The following FGG variants were observed in gnomAD, a reference collection of about 807,000 sequenced individuals.
FGG encodes the protein fibrinogen gamma chain.
In FGG, 20 loss-of-function variants were observed where a neutral mutation model predicts 51.7. That is an observed-to-expected ratio of 0.39 (90% CI 0.27 to 0.56). FGG has a LOEUF of 0.56. Among genes scored for constraint, FGG ranks in the 20% least tolerant of loss-of-function variants. The pLI is 0.64. For synonymous variants in FGG, 184 were observed against 184.7 expected (o/e 1.00, Z 0.03); for missense variants, 460 against 534.2 (o/e 0.86, Z 1.37).
chr4:154,611,176 A>G (rs1223144729), intron 4 of FGG: 1 of 152,132 alleles, frequency 6.6e-6, no homozygotes, highest in Non-Finnish European at 1.5e-5. Context: ...TTCAGAAAAA[A>G]AAATTGGGGA....
Position 154,604,604 on chromosome 4 carries a change from A to T in FGG, c.*230T>A. 8.0e-7 allele frequency: 1 copy of T among 1,247,818 alleles called. No homozygotes were observed. 77.3% of individuals were successfully genotyped at this position (1,247,818 alleles called of 1,614,324 possible). A position where few individuals can be genotyped will look rare whatever the true frequency, so the allele number is the denominator to read the frequency against. On this transcript the variant is annotated 3_prime_UTR_variant, in exon 9 of 9. Coordinates refer to ENST00000336098, the MANE Select transcript of FGG (RefSeq NM_021870.3). ...AAATAAAGTCAATCATTTTATTATT[A>T]TATATTTAGGAACAAAGTTGAAATG...
intron 5 of FGG, 109 bp from the exon 6 acceptor site, chr4:154,609,872 AT>A: frequency 6.4e-7 from 1 of 1,567,064 alleles, no homozygotes; most frequent in Non-Finnish European, 8.8e-7. Context: ...TCCAAGAATA[AT>A]TTTCTTACTT....
rs200444079 is a variant in FGG at position 154,604,964 on chromosome 4, T to G, written c.1232A>C (p.Lys411Thr). 6.2e-7 allele frequency: 1 copy of G among 1,614,080 alleles called. No homozygotes were observed. The highest frequency in any genetic ancestry group is 2.2e-5 in the East Asian group (1 of 44,874). ...RWYSMKKTTM[K>T]IIPFNRLTIG... ...TGTGAGTCTGTTGAATGGGATTATC[T>G]TCATAGTGGTTTTCTTCATGGAATA... Residue 411 changes from lysine (K) to threonine (T), a missense_variant, in exon 9 of 9, where the codon AAG (lysine) becomes ACG (threonine). Physicochemically the swap from Lys to Thr is moderately conservative, Grantham distance 78. This residue lies in a region of FGG where 92 missense variants were observed against 93.7 expected (regional missense o/e 0.98). Transcript: ENST00000336098.
At chr4:154,605,092 T>C in intron 8 of FGG, 26 bp from the exon 9 acceptor site, 1 of 1,613,568 alleles carries the variant, frequency 6.2e-7, no homozygotes, top group Non-Finnish European at 8.5e-7. Context: ...GATGTACATA[T>C]CATTATTCTG....
chr4:154,611,841 T>C lies in FGG; in HGVS notation c.365A>G (p.Tyr122Cys), dbSNP rs1333386404. 3 of 1,612,052 alleles carry C rather than the reference T, an allele frequency of 1.9e-6. No individual in the cohort carries two copies. Among genetic ancestry groups the C allele is most frequent in the East Asian group, 2.2e-5 (1 of 44,744 alleles). The change falls in exon 4 of 9, where the codon TAT (tyrosine) becomes TGT (cysteine). Residue 122 changes from tyrosine to cysteine, a missense_variant. Tyr to Cys is a radical substitution (Grantham distance 194). Coordinates refer to ENST00000336098, the MANE Select transcript of FGG (RefSeq NM_021870.3). ...GTCATGTGTTAAAATCGATGCTTCA[T>C]ATTTCATAATTTCTTCTAACATTTT... is the stretch of plus-strand genomic sequence containing the variant. ...SRKMLEEIMK[Y>C]EASILTHDSS... is the part of the protein sequence containing the mutation.
At chr4:154,608,315 C>T in intron 7 of FGG, 151 bp downstream of exon 7, 4 of 770,784 alleles carry the variant, frequency 5.2e-6, no homozygotes, top group Non-Finnish European at 8.6e-6. Context: ...TTGGATTGCC[C>T]AAGAACCAAA....
chr4:154,609,754 T>C lies in FGG; in HGVS notation c.542A>G (p.Asp181Gly). ...IHDITGKDCQ[D>G]IANKGAKQSG... ...CTGTTTAGCTCCCTTATTGGCAATGTCTTGACAATCTAGAGAAGGAGAATC... is the reference window on the plus strand; with the variant it reads ...CTGTTTAGCTCCCTTATTGGCAATGCCTTGACAATCTAGAGAAGGAGAATC... The change falls in exon 6 of 9, where the codon GAC becomes GGC. Residue 181 changes from aspartate to glycine, a missense_variant. Physicochemically the swap from Asp to Gly is moderately conservative, Grantham distance 94. Transcript: ENST00000336098. 1 of 1,614,024 alleles carries C rather than the reference T, an allele frequency of 6.2e-7. No homozygotes were observed. Among genetic ancestry groups the C allele is most frequent in the East Asian group, 2.2e-5 (1 of 44,866 alleles).
In FGG at chr4:154,604,698, A is replaced by T. The variant is rs1415174185; in HGVS notation, c.*136T>A. 4.0e-6 allele frequency: 6 copies of T among 1,488,380 alleles called. No homozygotes were observed. The highest frequency in any genetic ancestry group is 5.3e-6 in the Non-Finnish European group (6 of 1,123,160). 92.2% of individuals were successfully genotyped at this position (1,488,380 alleles called of 1,614,324 possible). ...TAATTTGGAAATACAGTCCTAAATG[A>T]GTTTTAATTTCCATTGAAGGCTAAA... On this transcript the variant is annotated 3_prime_UTR_variant, in exon 9 of 9. Transcript: ENST00000336098.
chr4:154,609,531 T>C, intron 6 of FGG, 99 bp downstream of exon 6: 1 of 1,426,104 alleles, frequency 7.0e-7, no homozygotes, highest in Non-Finnish European at 9.8e-7. Flanking sequence ...TTGCAAGGAT[T>C]AAATGAGCTA....
rs774720038 is a variant in FGG, at chr4:154,610,098, G to A, written c.501C>T (p.Asp167=). 3.7e-6 allele frequency: 6 copies of A among 1,613,742 alleles called. No individual in the cohort carries two copies. In the South Asian group the frequency reaches 6.6e-5, roughly 18 times the overall value. The change falls in exon 5 of 9, where the codon GAC becomes GAT. Residue 167 remains aspartate, a synonymous_variant. Coordinates refer to ENST00000336098, the MANE Select transcript of FGG (RefSeq NM_021870.3). ...LEAQCQEPCK[D]TVQIHDITGK... The stretch of plus-strand genomic sequence containing the variant: ...CAGTGATATCATGGATTTGCACCGT[G>A]TCTTTGCAAGGTTCCTGGCACTGTG...
intron 8 of FGG, among the ~76,000 whole-genome samples, chr4:154,605,567 G>A (rs1393107636): frequency 6.6e-6 from 1 of 152,048 alleles, no homozygotes; most frequent in African/African-American, 2.4e-5. Context: ...TTGTCCTAGG[G>A]AAGCAGATCT....
Position 154,604,605 on chromosome 4 carries a change from T to C in FGG, c.*229A>G. Reference sequence around the variant, plus strand: ...AATAAAGTCAATCATTTTATTATTATATATTTAGGAACAAAGTTGAAATGT... The same window carrying C: ...AATAAAGTCAATCATTTTATTATTACATATTTAGGAACAAAGTTGAAATGT... On this transcript the variant is annotated 3_prime_UTR_variant, in exon 9 of 9. Coordinates refer to ENST00000336098, the MANE Select transcript of FGG (RefSeq NM_021870.3). 8.0e-7 allele frequency: 1 copy of C among 1,249,412 alleles called. No individual in the cohort carries two copies. The highest frequency in any genetic ancestry group is 1.1e-6 in the Non-Finnish European group (1 of 952,288). 77.4% of individuals were successfully genotyped at this position (1,249,412 alleles called of 1,614,324 possible). A position where few individuals can be genotyped will look rare whatever the true frequency, so the allele number is the denominator to read the frequency against.
At chr4:154,608,848 T>A (rs1308710561) in intron 6 of FGG, among the ~76,000 whole-genome samples, 198 bp from the exon 7 acceptor site, 1 of 152,106 alleles carries the variant, frequency 6.6e-6, no homozygotes, top group African/African-American at 2.4e-5. Flanking sequence ...GCTGCAAGGA[T>A]CATGAGAGAG....
chr4:154,604,911 C>G lies in FGG; in HGVS notation c.1285G>C (p.Gly429Arg), dbSNP rs145938787. 1.1e-5 allele frequency: 17 copies of G among 1,614,052 alleles called. No individual in the cohort carries two copies. In the South Asian group the frequency reaches 1.6e-4, roughly 16 times the overall value. The change falls in exon 9 of 9, where the codon GGG becomes CGG. Residue 429 changes from glycine to arginine, a missense_variant. Gly to Arg is a moderately radical substitution (Grantham distance 125). This residue lies in a region of FGG where 92 missense variants were observed against 93.7 expected (regional missense o/e 0.98). Coordinates refer to ENST00000336098, the MANE Select transcript of FGG (RefSeq NM_021870.3). The part of the protein sequence containing the change: ...TIGEGQQHHL[G>R]GAKQVRPEHP... ...TCTGGTCTGACCTGTTTGGCTCCCCCCAGGTGGTGTTGCTGTCCTTCTCCA... is the reference window on the plus strand; with the variant it reads ...TCTGGTCTGACCTGTTTGGCTCCCCGCAGGTGGTGTTGCTGTCCTTCTCCA...
At chr4:154,607,754 T>TA (rs1472887699) in intron 7 of FGG, among the ~76,000 whole-genome samples, 1 of 152,158 alleles carries the variant, frequency 6.6e-6, no homozygotes, top group Non-Finnish European at 1.5e-5. Context: ...CTTTCTGGAT[T>TA]AAAAACCAAC....
chr4:154,611,085 G>A (rs951932566), intron 4 of FGG, among the ~76,000 whole-genome samples: 2 of 151,948 alleles, frequency 1.3e-5, no homozygotes, highest in Non-Finnish European at 2.9e-5. Flanking sequence ...CCCTCTGATA[G>A]CAAAAAGAGG....
At chr4:154,606,673 A>G (rs565994263) in intron 8 of FGG, 32 bp downstream of exon 8, 28 of 1,609,698 alleles carry the variant, frequency 1.7e-5, no homozygotes, top group Non-Finnish European at 2.3e-5. Flanking sequence ...TACACTATAC[A>G]TTAACTTGGA....
Position 154,610,048 on chromosome 4 carries a change from T to C in FGG, c.532+19A>G, listed in dbSNP as rs757376518. On this transcript the variant is annotated intron_variant, in intron 5 of 8. Transcript: ENST00000336098. ...CTTACTTTGATGAACCTAATCCCAATATAACCTTCATCAGTTACCTTTCCC... is the reference window on the plus strand; with the variant it reads ...CTTACTTTGATGAACCTAATCCCAACATAACCTTCATCAGTTACCTTTCCC... The C allele has an allele frequency of 3.1e-6, 5 of 1,613,434 alleles. No homozygotes were observed. The South Asian group carries it at 5.5e-5, about 18-fold the overall frequency.
chr4:154,610,011 T>C (rs1731176021), intron 5 of FGG, 56 bp downstream of exon 5: 2 of 1,607,442 alleles, frequency 1.2e-6, no homozygotes, highest in African/African-American at 2.7e-5. Context: ...ACATACTTTC[T>C]CCTTTACATT....
Sources: gnomAD v4.1 joint callset for allele counts (sites outside exome capture counted in the v4.1 genomes callset) on GRCh38, gnomAD v4.1.1 for gene constraint, gnomAD v4.1.1 regional missense constraint, MANE v1.5 for transcripts, NCBI Gene and HGNC (gene_info 2026-07-23, HGNC 2026-07-21) for gene names.